The following RNF212 variants were observed in gnomAD, a reference collection of about 807,000 sequenced individuals.
RNF212 encodes probable E3 SUMO-protein ligase RNF212.
Under a neutral mutation model 34.7 loss-of-function variants are expected in RNF212, and 33 were observed. The ratio of observed to expected loss-of-function variants is 0.95; its 90% confidence interval spans 0.72 to 1.27. The LOEUF (loss-of-function observed/expected upper bound fraction) is 1.27. Ranked by LOEUF, RNF212 falls within the 50% of genes most tolerant of loss-of-function variation. The pLI, the probability that RNF212 is intolerant of heterozygous loss-of-function variation, is 0.00. For synonymous variants in RNF212, 140 were observed against 136.1 expected (o/e 1.03, Z -0.20); for missense variants, 377 against 362.2 (o/e 1.04, Z -0.33).
chr4:1,092,636 AT>A (rs1429512298), intron 3 of RNF212, among the ~76,000 whole-genome samples: 1 of 152,232 alleles, frequency 6.6e-6, no homozygotes, highest in African/African-American at 2.4e-5. Flanking sequence ...TGCAGAGAAT[AT>A]GCCTCTTGAA....
At position 1,073,842 on chromosome 4, in the gene RNF212, G is replaced by T. The variant is rs1189794205; in HGVS notation, c.511-180C>A. 4.8e-6 allele frequency: 3 copies of T among 623,458 alleles called. No homozygotes were observed. In the East Asian group the frequency reaches 8.2e-5, roughly 17 times the overall value. The allele number at this position is 623,458 out of a possible 1,614,324, so 38.6% of individuals were successfully genotyped here. On this transcript the variant is annotated intron_variant, in intron 8 of 9. Transcript: ENST00000433731. ...TCACCTCCCGACTCTGCCTGCTGGT[G>T]GTAGAGGTGGTGTGGGTGGGTATTA...
At chr4:1,090,166 G>A (rs1721961868) in intron 4 of RNF212, among the ~76,000 whole-genome samples, 1 of 150,942 alleles carries the variant, frequency 6.6e-6, no homozygotes, top group Admixed American at 6.6e-5. Flanking sequence ...GATGGGGTGA[G>A]GGGAGAGATG....
At chr4:1,079,503 C>T (rs760312718) in intron 8 of RNF212, 140 bp downstream of exon 8, 32 of 709,452 alleles carry the variant, frequency 4.5e-5, no homozygotes, top group Admixed American at 4.1e-4. Flanking sequence ...CTCTCACCCA[C>T]GGGACCAGCA....
At position 1,072,098 on chromosome 4, in the gene RNF212, A is replaced by C. The variant is rs1236772156; in HGVS notation, c.*776T>G. On this transcript the variant is annotated 3_prime_UTR_variant, in exon 10 of 10. Transcript: ENST00000433731. The stretch of plus-strand genomic sequence containing the variant: ...TATTCAGTGACTGAAAAAATGAGCT[A>C]GCAAACCATGAGAAGAGATGGGGGA... The C allele has an allele frequency of 6.6e-6, 1 of 152,214 alleles. No homozygotes were observed. The allele number at this position is 152,214 out of a possible 1,614,324, so 9.4% of individuals were successfully genotyped here. A position where few individuals can be genotyped will look rare whatever the true frequency, so the allele number is the denominator to read the frequency against.
At chr4:1,067,135 T>C (rs1210085263), downstream of RNF212, among the ~76,000 whole-genome samples, 2 of 152,204 alleles carry the variant, frequency 1.3e-5, no homozygotes, top group Non-Finnish European at 2.9e-5. Flanking sequence ...TAGGGCTAAT[T>C]TAACTTTACC....
chr4:1,083,563 G>A (rs1300347031), intron 5 of RNF212, among the ~76,000 whole-genome samples: 5 of 152,120 alleles, frequency 3.3e-5, no homozygotes, highest in South Asian at 2.1e-4. Context: ...GCTTGAACCC[G>A]GCAGGCGGAG....
intron 8 of RNF212, among the ~76,000 whole-genome samples, chr4:1,075,878 G>T (rs1719215426): frequency 6.6e-6 from 1 of 152,030 alleles, no homozygotes; most frequent in African/African-American, 2.4e-5. Context: ...ACCCAGGCTG[G>T]TCTCAAACTC....
intron 8 of RNF212, among the ~76,000 whole-genome samples, chr4:1,074,049 T>G (rs894391801): frequency 6.6e-6 from 1 of 152,174 alleles, no homozygotes; most frequent in African/African-American, 2.4e-5. Context: ...CAGATGCTGA[T>G]GGACAGGTTG....
At chr4:1,093,430 C>T in intron 3 of RNF212, 1 of 1,423,066 alleles carries the variant, frequency 7.0e-7, no homozygotes, top group South Asian at 1.5e-5. Context: ...GTTACAATAC[C>T]ACCTCACGTC....
intron 3 of RNF212, among the ~76,000 whole-genome samples, chr4:1,063,186 C>T (rs1167467623): frequency 6.6e-6 from 1 of 152,110 alleles, no homozygotes; most frequent in Non-Finnish European, 1.5e-5. Flanking sequence ...CCTGCTTTGT[C>T]AGCAGAAATG....
chr4:1,078,559 C>T (rs1471592100), intron 8 of RNF212, among the ~76,000 whole-genome samples: 1 of 152,192 alleles, frequency 6.6e-6, no homozygotes, highest in East Asian at 1.9e-4. Context: ...CTTTTCTGAC[C>T]CATTTCTTTT....
intron 2 of RNF212, among the ~76,000 whole-genome samples, chr4:1,099,517 G>A (rs1289577779): frequency 1.3e-5 from 2 of 152,184 alleles, no homozygotes; most frequent in Non-Finnish European, 2.9e-5. Flanking sequence ...GGGAAGGCCA[G>A]GAGAAGGGGG....
intron 3 of RNF212, chr4:1,093,896 T>C: frequency 6.5e-7 from 1 of 1,536,168 alleles, no homozygotes; most frequent in Middle Eastern, 1.7e-4. Flanking sequence ...GCTGACCCAG[T>C]GTTCTTGGGG....
intron 8 of RNF212, among the ~76,000 whole-genome samples, chr4:1,077,513 G>T (rs778313087): frequency 2.0e-5 from 3 of 152,194 alleles, no homozygotes; most frequent in Admixed American, 2.0e-4. Context: ...AGTTATAGGC[G>T]TGAGCCCGAC....
chr4:1,105,238 C>A (rs527816348), intron 2 of RNF212, among the ~76,000 whole-genome samples: 1 of 152,314 alleles, frequency 6.6e-6, no homozygotes, highest in African/African-American at 2.4e-5. Context: ...CTTACACTCT[C>A]CCTCCTCAAG....
chr4:1,073,748 T>A, intron 8 of RNF212, 86 bp from the exon 9 acceptor site: 2 of 883,764 alleles, frequency 2.3e-6, no homozygotes, highest in East Asian at 2.5e-5. Context: ...TAGGAACACA[T>A]TTCCCAGAAC....
At chr4:1,073,495 C>A (rs1375696517) in intron 9 of RNF212, 104 bp downstream of exon 9, 6 of 920,270 alleles carry the variant, frequency 6.5e-6, no homozygotes, top group Admixed American at 1.9e-5. Flanking sequence ...AAGGACAGCA[C>A]CCCCTTGGGT....
chr4:1,113,580 A>ACGG (rs1402710194), upstream of RNF212: 1 of 737,076 alleles, frequency 1.4e-6, no homozygotes, highest in Non-Finnish European at 2.0e-6. Context: ...CGCAAAGTCG[A>ACGG]CGGCAGCCCT....
intron 8 of RNF212, among the ~76,000 whole-genome samples, chr4:1,075,265 C>G (rs746700611): frequency 6.6e-6 from 1 of 152,170 alleles, no homozygotes; most frequent in Non-Finnish European, 1.5e-5. Context: ...TCACATTTAA[C>G]TGGTGTATTA....
Sources: gnomAD v4.1 joint callset for allele counts (sites outside exome capture counted in the v4.1 genomes callset) on GRCh38, gnomAD v4.1.1 for gene constraint, MANE v1.5 for transcripts, NCBI Gene and HGNC (gene_info 2026-07-23, HGNC 2026-07-21) for gene names.